Variants in MACROD2 observed in about 807,000 individuals in gnomAD.
MACROD2 encodes the protein mono-ADP ribosylhydrolase 2.
A neutral mutation model predicts 70.4 loss-of-function variants in MACROD2; 36 were observed. That is an observed-to-expected ratio of 0.51 (90% CI 0.39 to 0.68). The LOEUF (loss-of-function observed/expected upper bound fraction) is 0.68. Among genes scored for constraint, MACROD2 ranks in the 30% least tolerant of loss-of-function variants. MACROD2 has a pLI of 0.00. For synonymous variants in MACROD2, 172 were observed against 178.8 expected (o/e 0.96, Z 0.30); for missense variants, 496 against 538.4 (o/e 0.92, Z 0.78).
chr20:14,045,549 A>C (rs1239879730), intron 2 of MACROD2, among the ~76,000 whole-genome samples: 1 of 152,256 alleles, frequency 6.6e-6, no homozygotes, highest in Non-Finnish European at 1.5e-5. Flanking sequence ...CTAACAGAAA[A>C]GTGAATTATC....
At chr20:15,467,590 C>A (rs1179202728) in intron 7 of MACROD2, among the ~76,000 whole-genome samples, 2 of 152,198 alleles carry the variant, frequency 1.3e-5, no homozygotes, top group African/African-American at 4.8e-5. Context: ...TATTCCAAAT[C>A]TCCTTTTCTT....
chr20:15,758,618 C>A (rs1445474567), intron 8 of MACROD2, among the ~76,000 whole-genome samples: 1 of 151,044 alleles, frequency 6.6e-6, no homozygotes, highest in Non-Finnish European at 1.5e-5. Context: ...TAGCTCACTG[C>A]AGCCTCAAAC....
At chr20:15,200,043 C>T (rs950242803) in intron 5 of MACROD2, among the ~76,000 whole-genome samples, 10 of 147,260 alleles carry the variant, frequency 6.8e-5, no homozygotes, top group Admixed American at 1.4e-4. Context: ...AGTAAATAAC[C>T]GTTAAAAATA....
chr20:15,639,664 A>G (rs1158528256), intron 8 of MACROD2, among the ~76,000 whole-genome samples: 1 of 152,146 alleles, frequency 6.6e-6, no homozygotes, highest in Non-Finnish European at 1.5e-5. Flanking sequence ...CTCCATCACC[A>G]ATGATGGGTA....
At chr20:15,424,081 C>T (rs2046265543) in intron 6 of MACROD2, among the ~76,000 whole-genome samples, 1 of 152,080 alleles carries the variant, frequency 6.6e-6, no homozygotes, top group Non-Finnish European at 1.5e-5. Flanking sequence ...ATGAGGCCTC[C>T]ACCCTCATGA....
At chr20:14,476,290 G>A (rs2084593595) in intron 3 of MACROD2, among the ~76,000 whole-genome samples, 1 of 152,140 alleles carries the variant, frequency 6.6e-6, no homozygotes, top group African/African-American at 2.4e-5. Context: ...ATGCTATCTA[G>A]TCTTGACTAC....
At chr20:14,562,036 A>G (rs1023314633) in intron 4 of MACROD2, among the ~76,000 whole-genome samples, 2 of 151,928 alleles carry the variant, frequency 1.3e-5, no homozygotes, top group African/African-American at 2.4e-5. Flanking sequence ...TACTGATTCA[A>G]CAGGAGACAT....
chr20:15,774,605 A>G (rs1182804615), intron 8 of MACROD2, among the ~76,000 whole-genome samples: 2 of 152,022 alleles, frequency 1.3e-5, no homozygotes, highest in Non-Finnish European at 2.9e-5. Flanking sequence ...AGAGAGGTCT[A>G]CCTAACTGGA....
intron 10 of MACROD2, among the ~76,000 whole-genome samples, chr20:15,912,027 A>G (rs1174683503): frequency 1.3e-5 from 2 of 152,202 alleles, no homozygotes; most frequent in Non-Finnish European, 2.9e-5. Context: ...AAACAAAACA[A>G]CAACAAAAAT....
chr20:15,962,023 G>A (rs1444643402), intron 12 of MACROD2, among the ~76,000 whole-genome samples: 1 of 152,192 alleles, frequency 6.6e-6, no homozygotes. Flanking sequence ...GGGTAATTAA[G>A]CATTTCTTTT....
chr20:15,750,146 C>A (rs1462813687), intron 8 of MACROD2, among the ~76,000 whole-genome samples: 1 of 151,866 alleles, frequency 6.6e-6, no homozygotes, highest in Non-Finnish European at 1.5e-5. Context: ...TTAAACAATT[C>A]AAGAGCAAAA....
At chr20:15,032,861 G>A (rs146195324) in intron 5 of MACROD2, among the ~76,000 whole-genome samples, 7 of 152,300 alleles carry the variant, frequency 4.6e-5, no homozygotes, top group African/African-American at 1.2e-4. Context: ...TAAGCGAAAT[G>A]TAGTATATCC....
intron 6 of MACROD2, among the ~76,000 whole-genome samples, chr20:15,315,349 A>C (rs576935666): frequency 6.6e-5 from 10 of 152,192 alleles, no homozygotes; most frequent in African/African-American, 2.4e-4. Context: ...AAGAAGCTCA[A>C]TGAATCCCGA....
At chr20:14,102,775 G>T (rs1412339729) in intron 3 of MACROD2, among the ~76,000 whole-genome samples, 1 of 152,054 alleles carries the variant, frequency 6.6e-6, no homozygotes, top group East Asian at 1.9e-4. Flanking sequence ...TAGGATATAT[G>T]GGGATATATG....
intron 6 of MACROD2, among the ~76,000 whole-genome samples, chr20:15,396,343 C>T (rs2045860019): frequency 6.6e-6 from 1 of 152,176 alleles, no homozygotes; most frequent in East Asian, 1.9e-4. Flanking sequence ...CCCCATTTTA[C>T]AGATGAGAAA....
At chr20:15,879,320 C>T (rs369377890) in intron 9 of MACROD2, among the ~76,000 whole-genome samples, 2 of 152,092 alleles carry the variant, frequency 1.3e-5, no homozygotes, top group African/African-American at 4.8e-5. Context: ...CTTCCATAGA[C>T]TATCACCTTT....
intron 10 of MACROD2, chr20:15,892,962 A>C (rs959882407): frequency 7.5e-6 from 3 of 399,020 alleles, no homozygotes; most frequent in African/African-American, 4.1e-5. Flanking sequence ...TCCACCCTAC[A>C]AAAAGAGCAA....
At chr20:15,837,880 T>C (rs976464776) in intron 8 of MACROD2, among the ~76,000 whole-genome samples, 2 of 152,134 alleles carry the variant, frequency 1.3e-5, no homozygotes, top group Non-Finnish European at 2.9e-5. Flanking sequence ...TTTGTGATAC[T>C]CTTAGCCCAT....
At chr20:14,060,227 C>G (rs2053676723) in intron 2 of MACROD2, among the ~76,000 whole-genome samples, 1 of 152,156 alleles carries the variant, frequency 6.6e-6, no homozygotes. Flanking sequence ...CTGGTTCCCT[C>G]TATCTTAGTC....
Sources: gnomAD v4.1 joint callset for allele counts (sites outside exome capture counted in the v4.1 genomes callset) on GRCh38, gnomAD v4.1.1 for gene constraint, MANE v1.5 for transcripts, NCBI Gene and HGNC (gene_info 2026-07-23, HGNC 2026-07-21) for gene names.